SERPINB12: variants seen among roughly 807,000 people sequenced by gnomAD.
The protein encoded by SERPINB12 is serpin B12.
Under a neutral mutation model 41.1 loss-of-function variants are expected in SERPINB12, and 57 were observed. That is an observed-to-expected ratio of 1.39 (90% CI 1.12 to 1.73). The LOEUF is 1.73. Among genes scored for constraint, SERPINB12 ranks in the 40% most tolerant of loss-of-function variants. SERPINB12 has a pLI of 0.00. For missense variants in SERPINB12, 536 were observed against 501.9 expected, an observed-to-expected ratio of 1.07 and a Z score of -0.65; for synonymous variants, 180 against 181.3, an observed-to-expected ratio of 0.99 and a Z score of 0.06.
In SERPINB12 at chr18:63,558,464, C is replaced by T. The variant is rs150898369; in HGVS notation, c.281C>T (p.Thr94Met). The part of the protein sequence containing the change: ...ADSSLEGQKK[T>M]TEPLDQQAGS... ...AGCTCTCTGGAGGGGCAGAAAAAAA[C>T]GACAGAGCCTCTGGATCAGCAGGTG... Residue 94 changes from threonine to methionine, a missense_variant, in exon 3 of 8, where the codon ACG becomes ATG. Thr to Met is a moderately conservative substitution (Grantham distance 81, BLOSUM62 -1). Transcript: ENST00000382768. 3.5e-5 allele frequency: 56 copies of T among 1,612,868 alleles called. No individual in the cohort carries two copies. Among genetic ancestry groups the T allele is most frequent in the Non-Finnish European group, 4.2e-5 (50 of 1,179,558 alleles).
chr18:63,537,299 G>A, the SERPINB12 span, among the ~76,000 whole-genome samples: 2 of 152,096 alleles, frequency 1.3e-5, no homozygotes, highest in Non-Finnish European at 2.9e-5. Flanking sequence ...GTTCCTCCAG[G>A]GAAGCTACTG....
At chr18:63,559,003 C>CTTCT (rs374734513) in intron 3 of SERPINB12, among the ~76,000 whole-genome samples, 3,577 of 78,588 alleles carry the variant, frequency 0.046, 121 homozygotes, top group Non-Finnish European at 0.06. Flanking sequence ...TCTTTCCTTC[C>CTTCT]TTCTTTCTTT....
At chr18:63,529,038 A>T in the SERPINB12 span, among the ~76,000 whole-genome samples, 2 of 152,176 alleles carry the variant, frequency 1.3e-5, no homozygotes, top group Non-Finnish European at 2.9e-5. Context: ...GGGGCCATTG[A>T]TCCATGTGAG....
At chr18:63,557,918 T>C (rs1285068100) in intron 2 of SERPINB12, among the ~76,000 whole-genome samples, 1 of 152,222 alleles carries the variant, frequency 6.6e-6, no homozygotes, top group African/African-American at 2.4e-5. Context: ...CTAATTTTAA[T>C]AATAATTTTT....
At chr18:63,564,967 G>A (rs561427822) in intron 6 of SERPINB12, among the ~76,000 whole-genome samples, 1 of 152,276 alleles carries the variant, frequency 6.6e-6, no homozygotes, top group East Asian at 1.9e-4. Flanking sequence ...GGGAGGATCA[G>A]TTGAGACTAG....
chr18:63,550,878 C>G (rs1289715114), intron 1 of SERPINB12, among the ~76,000 whole-genome samples: 1 of 152,172 alleles, frequency 6.6e-6, no homozygotes, highest in African/African-American at 2.4e-5. Context: ...AACCACAGTT[C>G]TCCCCACTCA....
At chr18:63,563,192 T>C (rs1910970944) in intron 5 of SERPINB12, among the ~76,000 whole-genome samples, 1 of 152,228 alleles carries the variant, frequency 6.6e-6, no homozygotes, top group South Asian at 2.1e-4. Context: ...CATATAAAAG[T>C]ATCTATAAAA....
In SERPINB12 at chr18:63,566,824, T is replaced by G. The variant is rs1330930039; in HGVS notation, c.1091T>G (p.Ile364Ser). The change falls in exon 8 of 8, where the codon ATT (isoleucine) becomes AGT (serine). Residue 364 changes from isoleucine (I) to serine (S), a missense_variant. Coordinates refer to ENST00000382768, the MANE Select transcript of SERPINB12 (RefSeq NM_001307928.2). ...AGTCCCAATTTGTACTTGTCAAAAA[T>G]TATCCACAAAACCTTTGTGGAGGTG... ...SPSPNLYLSK[I>S]IHKTFVEVDE... The G allele has an allele frequency of 1.2e-6, 2 of 1,614,110 alleles. No individual in the cohort carries two copies. Among genetic ancestry groups the G allele is most frequent in the East Asian group, 2.2e-5 (1 of 44,892 alleles).
chr18:63,534,632 A>C, the SERPINB12 span, among the ~76,000 whole-genome samples: 2 of 152,200 alleles, frequency 1.3e-5, no homozygotes, highest in African/African-American at 4.8e-5. Context: ...CCTGGTAGAA[A>C]GAATAGATGT....
At chr18:63,535,976 G>GTA in the SERPINB12 span, among the ~76,000 whole-genome samples, 1 of 151,808 alleles carries the variant, frequency 6.6e-6, no homozygotes, top group Admixed American at 6.6e-5. Flanking sequence ...ATATATGTGT[G>GTA]TATATATATT....
the SERPINB12 span, among the ~76,000 whole-genome samples, chr18:63,526,755 T>C: frequency 1.3e-5 from 2 of 152,224 alleles, no homozygotes; most frequent in Non-Finnish European, 2.9e-5. Flanking sequence ...ATTCTTTCAA[T>C]GTTTACATTT....
At chr18:63,547,563 A>G (rs1568124784) in intron 1 of SERPINB12, among the ~76,000 whole-genome samples, 1 of 152,112 alleles carries the variant, frequency 6.6e-6, no homozygotes, top group Non-Finnish European at 1.5e-5. Context: ...AAATTATAAG[A>G]CATGAAATAT....
In SERPINB12 at chr18:63,568,986, C is replaced by T. The variant is rs1482610471; in HGVS notation, c.*1975C>T. Reference sequence around the variant, plus strand: ...TCAGATAACCAAAAACTTCATGTCCCCTGTGGTTCCTTTTGGGGTTGACGT... The same window carrying T: ...TCAGATAACCAAAAACTTCATGTCCTCTGTGGTTCCTTTTGGGGTTGACGT... On this transcript the variant is annotated 3_prime_UTR_variant, in exon 8 of 8. Transcript: ENST00000382768. Among the ~76,000 whole-genome samples the T allele has an allele frequency of 6.6e-6, 1 of 152,172 alleles. No homozygotes were observed. The highest frequency in any genetic ancestry group is 6.5e-5 in the Admixed American group (1 of 15,270).
chr18:63,561,057 T>G lies in SERPINB12; in HGVS notation c.445-28T>G, dbSNP rs201708897. ...AGCATCACTGCCTGACTTTATTGCA[T>G]TATTTCCCTTTTATTCCAATGGAAC... On this transcript the variant is annotated intron_variant, in intron 4 of 7. Coordinates refer to ENST00000382768, the MANE Select transcript of SERPINB12 (RefSeq NM_001307928.2). 116 of 1,441,032 alleles carry G rather than the reference T, an allele frequency of 8.0e-5. No homozygotes were observed. The African/African-American group carries it at 1.5e-3, about 18-fold the overall frequency. 89.3% of individuals were successfully genotyped at this position (1,441,032 alleles called of 1,614,324 possible).
chr18:63,521,615 A>G, the SERPINB12 span, among the ~76,000 whole-genome samples: 1 of 151,978 alleles, frequency 6.6e-6, no homozygotes, highest in Non-Finnish European at 1.5e-5. Flanking sequence ...TATCTTGCCC[A>G]AAAAAAAGGT....
intron 6 of SERPINB12, 116 bp downstream of exon 6, chr18:63,564,236 T>C: frequency 8.8e-7 from 1 of 1,135,878 alleles, no homozygotes; most frequent in East Asian, 2.4e-5. Flanking sequence ...AGAACATTTT[T>C]CGTTGATAAG....
At chr18:63,566,356 C>T (rs1911097287) in intron 7 of SERPINB12, among the ~76,000 whole-genome samples, 1 of 152,184 alleles carries the variant, frequency 6.6e-6, no homozygotes, top group Admixed American at 6.5e-5. Context: ...ATCGACTGAG[C>T]TTTGCTGTGC....
At chr18:63,546,556 T>C (rs1231672271) in intron 1 of SERPINB12, among the ~76,000 whole-genome samples, 2 of 152,152 alleles carry the variant, frequency 1.3e-5, no homozygotes, top group East Asian at 1.9e-4. Flanking sequence ...TTTAGAATAA[T>C]GCAAAAATTC....
chr18:63,519,164 C>T, the SERPINB12 span, among the ~76,000 whole-genome samples: 1 of 152,214 alleles, frequency 6.6e-6, no homozygotes, highest in Admixed American at 6.5e-5. Flanking sequence ...CACTTCTACC[C>T]GTATGAGCAT....
Sources: gnomAD v4.1 joint callset for allele counts (sites outside exome capture counted in the v4.1 genomes callset) on GRCh38, gnomAD v4.1.1 for gene constraint, MANE v1.5 for transcripts, NCBI Gene and HGNC (gene_info 2026-07-23, HGNC 2026-07-21) for gene names.